Variants in PES1 observed in about 807,000 individuals in gnomAD.
The protein encoded by PES1 is pescadillo ribosomal biogenesis factor 1, also known as pescadillo homolog.
In PES1, 31 loss-of-function variants were observed where a neutral mutation model predicts 77.1. That is an observed-to-expected ratio of 0.40 (90% confidence interval 0.30 to 0.54). The LOEUF (loss-of-function observed/expected upper bound fraction) is 0.54. Ranked by LOEUF, PES1 falls within the 20% of genes least tolerant of loss-of-function variation. The pLI is 0.45. For missense variants in PES1, 658 were observed against 771.7 expected (o/e 0.85, Z 1.75); for synonymous variants, 282 against 303.0 (o/e 0.93, Z 0.72).
At chr22:30,597,950 C>A (rs1238842570) in intron 2 of PES1, among the ~76,000 whole-genome samples, 1 of 142,626 alleles carries the variant, frequency 7.0e-6, no homozygotes, top group South Asian at 2.3e-4. Context: ...GTGGCGGCAT[C>A]TCGGCTCACT....
Position 30,576,944 on chromosome 22 carries a change from A to G in PES1, c.*102T>C. On this transcript the variant is annotated 3_prime_UTR_variant, in exon 15 of 15. Coordinates refer to ENST00000354694, the MANE Select transcript of PES1 (RefSeq NM_014303.4). ...GTCAGGGCTGGCTGGAGAAAGGAGG[A>G]GGAGAAGTGACTCTGGTCCATCACA... The G allele has an allele frequency of 1.0e-6, 1 of 952,962 alleles. No individual in the cohort carries two copies. The highest frequency in any genetic ancestry group is 1.7e-6 in the Non-Finnish European group (1 of 586,874). 59.0% of individuals were successfully genotyped at this position (952,962 alleles called of 1,614,324 possible).
intron 2 of PES1, among the ~76,000 whole-genome samples, chr22:30,601,138 G>C (rs1179737749): frequency 6.6e-6 from 1 of 152,076 alleles, no homozygotes. Flanking sequence ...CTACTGACAA[G>C]GATGTCACAA....
At chr22:30,586,893 G>A (rs2087099238) in intron 4 of PES1, 2 of 176,600 alleles carry the variant, frequency 1.1e-5, no homozygotes, top group South Asian at 1.3e-4. Context: ...AGGTTGCAGT[G>A]AACTGAGTCT....
At chr22:30,605,062 C>T (rs2087416762) in intron 2 of PES1, among the ~76,000 whole-genome samples, 1 of 152,104 alleles carries the variant, frequency 6.6e-6, no homozygotes. Flanking sequence ...GGTCTGATCT[C>T]AGCTCACTGC....
At chr22:30,596,354 G>C (rs1397200474), upstream of PES1, among the ~76,000 whole-genome samples, 5 of 152,086 alleles carry the variant, frequency 3.3e-5, no homozygotes, top group East Asian at 7.7e-4. Flanking sequence ...GTGTGTGTGT[G>C]TGCGTGTGTA....
chr22:30,602,328 A>G (rs2087368813), intron 2 of PES1, among the ~76,000 whole-genome samples: 1 of 151,892 alleles, frequency 6.6e-6, no homozygotes, highest in Non-Finnish European at 1.5e-5. Context: ...TTCTGCCACG[A>G]TTGCAAGTTT....
intron 2 of PES1, among the ~76,000 whole-genome samples, chr22:30,588,615 TA>T (rs970737064): frequency 6.1e-5 from 9 of 147,594 alleles, no homozygotes; most frequent in South Asian, 2.1e-4. Flanking sequence ...CCATCTCTAC[TA>T]AAAAAAAAAT....
upstream of PES1, among the ~76,000 whole-genome samples, chr22:30,594,323 C>T (rs2087224829): frequency 6.6e-6 from 1 of 152,086 alleles, no homozygotes; most frequent in Non-Finnish European, 1.5e-5. Flanking sequence ...AGTTCAAGAC[C>T]AGCCTGGCAA....
At position 30,578,867 on chromosome 22, in the gene PES1, G is replaced by C. The variant is rs371747107; in HGVS notation, c.1653C>G (p.Ile551Met). ...KKREKYLYQK[I>M]MFGKRRKIRE... ...GGATTTTTCGCCTCTTGCCAAACATGATCTTCTGGTACAGGTACTTCTCCC... is the reference window on the plus strand; with the variant it reads ...GGATTTTTCGCCTCTTGCCAAACATCATCTTCTGGTACAGGTACTTCTCCC... The change falls in exon 14 of 15, where the codon ATC (isoleucine) becomes ATG (methionine). Residue 551 changes from isoleucine to methionine, a missense_variant. Physicochemically the swap from Ile to Met is conservative, Grantham distance 10. Transcript: ENST00000354694. 3.2e-5 allele frequency: 51 copies of C among 1,612,484 alleles called. No homozygotes were observed. Among genetic ancestry groups the C allele is most frequent in the Middle Eastern group, 2.1e-4 (1 of 4,768 alleles).
At chr22:30,605,561 G>A (rs1189079730) in intron 1 of PES1, 5 of 906,024 alleles carry the variant, frequency 5.5e-6, no homozygotes, top group African/African-American at 1.8e-5. Flanking sequence ...AACAGGCAGA[G>A]GGTTGGGGGA....
At chr22:30,582,529 A>T (rs898620861) in intron 6 of PES1, among the ~76,000 whole-genome samples, 1 of 152,206 alleles carries the variant, frequency 6.6e-6, no homozygotes, top group African/African-American at 2.4e-5. Context: ...GCCCAGACAG[A>T]ATCACAACTC....
chr22:30,589,126 G>C (rs1227477200), intron 2 of PES1, 65 bp downstream of exon 2: 1 of 1,188,594 alleles, frequency 8.4e-7, no homozygotes, highest in African/African-American at 1.5e-5. Flanking sequence ...GGTAAGACAG[G>C]GATGCAGCTG....
chr22:30,576,953 G>C lies in PES1; in HGVS notation c.*93C>G. On this transcript the variant is annotated 3_prime_UTR_variant, in exon 15 of 15. Coordinates refer to ENST00000354694, the MANE Select transcript of PES1 (RefSeq NM_014303.4). ...GGCTGGAGAAAGGAGGAGGAGAAGT[G>C]ACTCTGGTCCATCACACTTAGGTCC... is the stretch of plus-strand genomic sequence containing the variant. The C allele has an allele frequency of 2.0e-6, 2 of 1,020,658 alleles. No individual in the cohort carries two copies. The highest frequency in any genetic ancestry group is 1.3e-5 in the South Asian group (1 of 77,874). 63.2% of individuals were successfully genotyped at this position (1,020,658 alleles called of 1,614,324 possible).
Position 30,584,566 on chromosome 22 carries a change from C to A in PES1, c.520G>T (p.Ala174Ser), listed in dbSNP as rs368961485. Residue 174 changes from alanine (A) to serine (S), a missense_variant, in exon 5 of 15, where the codon GCT becomes TCT. By Grantham distance (99) the Ala-to-Ser change is moderately conservative (BLOSUM62 1). Transcript: ENST00000354694. ...CTCACCTTGCGCAGGGCACGGGCAG[C>A]GATAATGTAGTGCATGAACTCCACA... is the stretch of plus-strand genomic sequence containing the variant. ...LTVEFMHYII[A>S]ARALRKVFLS... 45 of 1,611,418 alleles carry A rather than the reference C, an allele frequency of 2.8e-5. No individual in the cohort carries two copies. Among genetic ancestry groups the A allele is most frequent in the Non-Finnish European group, 6.8e-6 (8 of 1,178,916 alleles).
At chr22:30,589,680 T>G (rs2087149932) in intron 1 of PES1, among the ~76,000 whole-genome samples, 1 of 150,266 alleles carries the variant, frequency 6.7e-6, no homozygotes, top group African/African-American at 2.5e-5. Context: ...CATGCAACTC[T>G]TAAAAAGCAC....
chr22:30,587,920 G>A, intron 3 of PES1, 101 bp downstream of exon 3: 1 of 1,197,370 alleles, frequency 8.4e-7, no homozygotes, highest in Non-Finnish European at 1.2e-6. Context: ...CTCTGTATAG[G>A]CTTACTCAGA....
rs772464884 is a variant in PES1 at position 30,587,278 on chromosome 22, C to T, written c.368+8G>A. The T allele has an allele frequency of 1.1e-5, 18 of 1,589,238 alleles. No individual in the cohort carries two copies. The highest frequency in any genetic ancestry group is 6.7e-5 in the East Asian group (3 of 44,800). On this transcript the variant is annotated splice_region_variant and intron_variant, in intron 4 of 14. Coordinates refer to ENST00000354694, the MANE Select transcript of PES1 (RefSeq NM_014303.4). ...AAACAGCAGTGTCCTGAGGAAAGCCCGGCTCACCGTTCCTTGATGATGTGG... is the reference window on the plus strand; with the variant it reads ...AAACAGCAGTGTCCTGAGGAAAGCCTGGCTCACCGTTCCTTGATGATGTGG...
intron 2 of PES1, among the ~76,000 whole-genome samples, chr22:30,602,877 A>C (rs923689559): frequency 1.3e-5 from 2 of 150,924 alleles, no homozygotes; most frequent in African/African-American, 2.5e-5. Context: ...TTACACTAAT[A>C]GTGTCTTGCT....
At chr22:30,606,855 A>G (rs898795994) in exon 1 of PES1, 14 of 1,020,968 alleles carry the variant, frequency 1.4e-5, no homozygotes, top group Non-Finnish European at 1.5e-5. Flanking sequence ...GTCCTGGGCT[A>G]GGTGGGCACT....
Sources: allele counts gnomAD v4.1 joint callset (sites outside exome capture counted in the v4.1 genomes callset), GRCh38; gene constraint gnomAD v4.1.1; transcripts MANE v1.5; gene names NCBI Gene and HGNC (gene_info 2026-07-23, HGNC 2026-07-21).